NRDC: variants seen among roughly 807,000 people sequenced by gnomAD.
NRDC encodes the protein nardilysin.
In NRDC, 54 loss-of-function variants were observed where a neutral mutation model predicts 147.1. That is an observed-to-expected ratio of 0.37 (90% CI 0.29 to 0.46). The LOEUF (loss-of-function observed/expected upper bound fraction) is 0.46. Ranked by LOEUF, NRDC falls within the 20% of genes least tolerant of loss-of-function variation. The pLI is 1.00. For synonymous variants in NRDC, 440 were observed against 482.1 expected, an observed-to-expected ratio of 0.91 and a Z score of 1.14; for missense variants, 1,082 against 1,370.6, an observed-to-expected ratio of 0.79 and a Z score of 3.33.
rs1557892377 is a variant in NRDC, at chr1:51,789,400, C to T, written c.3292G>A (p.Asp1098Asn). The T allele has an allele frequency of 6.2e-7, 1 of 1,614,088 alleles. No homozygotes were observed. Among genetic ancestry groups the T allele is most frequent in the Non-Finnish European group, 8.5e-7 (1 of 1,179,988 alleles). The change falls in exon 31 of 31, where the codon GAT (aspartate) becomes AAT (asparagine). Residue 1098 changes from aspartate to asparagine, a missense_variant. By Grantham distance (23) the Asp-to-Asn change is conservative. This residue lies in a region of NRDC where 187 missense variants were observed against 193.6 expected (regional missense o/e 0.97). Coordinates refer to ENST00000352171, the MANE Select transcript of NRDC (RefSeq NM_001101662.2). ...GAATCCTCACTAGAAGGGGTACCATCCTCTTCCAGTTCATACTTCCCATAT... is the reference window on the plus strand; with the variant it reads ...GAATCCTCACTAGAAGGGGTACCATTCTCTTCCAGTTCATACTTCCCATAT... ...VGYGKYELEE[D>N]GTPSSEDSNS...
chr1:51,858,058 C>T (rs889154644), intron 1 of NRDC, among the ~76,000 whole-genome samples: 1 of 152,084 alleles, frequency 6.6e-6, no homozygotes, highest in Non-Finnish European at 1.5e-5. Context: ...TACAATGGAC[C>T]GTTCCTAATG....
chr1:51,814,165 A>G, intron 13 of NRDC, 76 bp from the exon 14 acceptor site: 1 of 891,918 alleles, frequency 1.1e-6, no homozygotes, highest in Non-Finnish European at 1.9e-6. Flanking sequence ...GGGAGGAGGG[A>G]GAGGATCAGA....
chr1:51,873,588 G>C (rs895318180), intron 1 of NRDC, among the ~76,000 whole-genome samples: 1 of 151,498 alleles, frequency 6.6e-6, no homozygotes, highest in African/African-American at 2.4e-5. Context: ...TCAGCTCACT[G>C]CAACCTCTGC....
intron 2 of NRDC, among the ~76,000 whole-genome samples, chr1:51,839,571 G>A (rs542378984): frequency 1.3e-5 from 2 of 152,192 alleles, no homozygotes; most frequent in Admixed American, 1.3e-4. Context: ...TTCTTCAAAA[G>A]ATATTAAGAA....
chr1:51,854,403 T>C (rs1682136573), intron 1 of NRDC, among the ~76,000 whole-genome samples: 2 of 152,074 alleles, frequency 1.3e-5, no homozygotes, highest in South Asian at 4.1e-4. Flanking sequence ...TATCCTCATA[T>C]CCTAGTCCTC....
intron 2 of NRDC, among the ~76,000 whole-genome samples, chr1:51,839,417 G>A (rs906443556): frequency 5.9e-5 from 9 of 151,786 alleles, no homozygotes; most frequent in South Asian, 2.1e-4. Context: ...TGCCCATCTC[G>A]GCCTCTTTGT....
chr1:51,878,094 T>G (rs1683421197), intron 1 of NRDC, 181 bp downstream of exon 1: 1 of 1,420,254 alleles, frequency 7.0e-7, no homozygotes, highest in South Asian at 1.6e-5. Context: ...ATCTCCCACT[T>G]GCCCAGCTGA....
intron 14 of NRDC, among the ~76,000 whole-genome samples, chr1:51,813,613 C>G (rs961568146): frequency 6.6e-6 from 1 of 152,142 alleles, no homozygotes; most frequent in Non-Finnish European, 1.5e-5. Flanking sequence ...CTATTTCAAT[C>G]AAGGAAAATG....
chr1:51,801,887 A>C (rs1465787213), intron 20 of NRDC, among the ~76,000 whole-genome samples: 1 of 152,000 alleles, frequency 6.6e-6, no homozygotes, highest in Non-Finnish European at 1.5e-5. Flanking sequence ...TCCCAGGGTC[A>C]CACCATTCTC....
chr1:51,789,646 C>T lies in NRDC; in HGVS notation c.3180G>A (p.Leu1060=). ...FDRLAHEIEA[L]KSFSKSDLVN... is the part of the protein sequence containing the mutation. ...CCAGGTCTGATTTTGAGAATGACTT[C>T]AGTGCTTCAATCTTACAAGGGAAGG... The change falls in exon 30 of 31, where the codon CTG becomes CTA. Residue 1060 remains leucine (L), a synonymous_variant. Transcript: ENST00000352171. 6.2e-7 allele frequency: 1 copy of T among 1,612,232 alleles called. No individual in the cohort carries two copies. Among genetic ancestry groups the T allele is most frequent in the Non-Finnish European group, 8.5e-7 (1 of 1,178,346 alleles).
In NRDC at chr1:51,789,305, G is replaced by C; in HGVS notation, c.3387C>G (p.Ile1129Met). 1 of 1,614,168 alleles carries C rather than the reference G, an allele frequency of 6.2e-7. No homozygotes were observed. The highest frequency in any genetic ancestry group is 1.1e-5 in the South Asian group (1 of 91,088). Residue 1129 changes from isoleucine to methionine, a missense_variant, in exon 31 of 31, where the codon ATC becomes ATG. Coordinates refer to ENST00000352171, the MANE Select transcript of NRDC (RefSeq NM_001101662.2). ...PTSPLLADCI[I>M]PITDIRAFTT... ...TGAAAGCCCTGATATCAGTAATGGGGATGATACAATCTGCCAGCAGAGGAG... is the reference window on the plus strand; with the variant it reads ...TGAAAGCCCTGATATCAGTAATGGGCATGATACAATCTGCCAGCAGAGGAG...
chr1:51,840,534 A>AT lies in NRDC; in HGVS notation c.342-21dup. ...ATGTATCTGGGGGGAGAAAAAAAAA[A>AT]TCACACATTTTGATTCAGCTGTTCT... On this transcript the variant is annotated intron_variant, in intron 1 of 30. Coordinates refer to ENST00000352171, the MANE Select transcript of NRDC (RefSeq NM_001101662.2). 6.6e-7 allele frequency: 1 copy of AT among 1,522,572 alleles called. No homozygotes were observed. The allele number at this position is 1,522,572 out of a possible 1,614,324, so 94.3% of individuals were successfully genotyped here.
At chr1:51,798,036 C>T in intron 22 of NRDC, 1 of 497,194 alleles carries the variant, frequency 2.0e-6, no homozygotes, top group Non-Finnish European at 3.6e-6. Context: ...TCCCAAAATG[C>T]TGAAATTACA....
chr1:51,824,315 G>A (rs922543267), intron 6 of NRDC, among the ~76,000 whole-genome samples: 20 of 151,686 alleles, frequency 1.3e-4, no homozygotes, highest in South Asian at 2.1e-4. Flanking sequence ...CAGTAGAGAC[G>A]GGGTTTCACC....
chr1:51,873,811 T>C (rs1292598667), intron 1 of NRDC, among the ~76,000 whole-genome samples: 1 of 151,296 alleles, frequency 6.6e-6, no homozygotes, highest in African/African-American at 2.4e-5. Context: ...ACGCCCAGCC[T>C]GAAAATTTAT....
intron 7 of NRDC, 114 bp from the exon 8 acceptor site, chr1:51,821,669 T>C (rs1680212171): frequency 2.6e-6 from 2 of 760,504 alleles, no homozygotes; most frequent in African/African-American, 1.8e-5. Context: ...ATATTTTAAT[T>C]TGGCCATTAC....
chr1:51,838,888 G>A (rs1477564637), intron 2 of NRDC, among the ~76,000 whole-genome samples: 3 of 151,736 alleles, frequency 2.0e-5, no homozygotes, highest in Non-Finnish European at 4.4e-5. Flanking sequence ...TTTTCCCCCA[G>A]TGTTTTGATG....
In NRDC at chr1:51,790,912, T is replaced by A. The variant is rs756097101; in HGVS notation, c.3039A>T (p.Ala1013=). The change falls in exon 28 of 31, where the codon GCA becomes GCT. Residue 1013 remains alanine (A), a synonymous_variant. Transcript: ENST00000352171. Reference sequence around the variant, plus strand: ...CTGGCACAGTCACCTGGGTGTTGAATGCCTCTTCAGTGAGGTTCTCAATCT... The same window carrying A: ...CTGGCACAGTCACCTGGGTGTTGAAAGCCTCTTCAGTGAGGTTCTCAATCT... The part of the protein sequence containing the change: ...EEKIENLTEE[A]FNTQVTALIK... 1 of 1,613,508 alleles carries A rather than the reference T, an allele frequency of 6.2e-7. No homozygotes were observed. Among genetic ancestry groups the A allele is most frequent in the East Asian group, 2.2e-5 (1 of 44,858 alleles).
rs953036274 is a variant in NRDC, at chr1:51,863,844, T to G, written c.341+14431A>C. Among the ~76,000 whole-genome samples, 4 of 152,366 alleles carry G rather than the reference T, an allele frequency of 2.6e-5. No homozygotes were observed. In the East Asian group the frequency reaches 5.8e-4, roughly 22 times the overall value. On this transcript the variant is annotated intron_variant, in intron 1 of 30. Transcript: ENST00000352171. ...ATGCTCAATTAAAGTCATATACAGA[T>G]GCTCCTCGACTTACAACAGGGTTAG...
Sources: allele counts gnomAD v4.1 joint callset (sites outside exome capture counted in the v4.1 genomes callset), GRCh38; gene constraint gnomAD v4.1.1; regional missense constraint gnomAD v4.1.1; transcripts MANE v1.5; gene names NCBI Gene and HGNC (gene_info 2026-07-23, HGNC 2026-07-21).